FGF2: variants seen among roughly 807,000 people sequenced by gnomAD.
FGF2 encodes fibroblast growth factor 2, also known as basic fibroblast growth factor bFGF.
A neutral mutation model predicts 15.9 loss-of-function variants in FGF2; 13 were observed. The ratio of observed to expected loss-of-function variants is 0.82; its 90% confidence interval spans 0.53 to 1.30. The LOEUF (loss-of-function observed/expected upper bound fraction) is 1.30. Ranked by LOEUF, FGF2 falls within the 50% of genes most tolerant of loss-of-function variation. FGF2 has a pLI of 0.00. For missense variants in FGF2, 163 were observed against 196.9 expected (o/e 0.83, Z 1.03); for synonymous variants, 90 against 78.4 (o/e 1.15, Z -0.78).
At chr4:122,865,483 G>GT in intron 1 of FGF2, among the ~76,000 whole-genome samples, 1 of 151,938 alleles carries the variant, frequency 6.6e-6, no homozygotes, top group Non-Finnish European at 1.5e-5. Context: ...GTAGAGTGGG[G>GT]TTTTGCCATG....
intron 1 of FGF2, among the ~76,000 whole-genome samples, chr4:122,843,504 G>A (rs2150767260): frequency 6.6e-6 from 1 of 152,288 alleles, no homozygotes; most frequent in East Asian, 1.9e-4. Flanking sequence ...TCACTCTGGC[G>A]GGTGTGTGTA....
chr4:122,864,596 A>G (rs974099358), intron 1 of FGF2, among the ~76,000 whole-genome samples: 1 of 152,168 alleles, frequency 6.6e-6, no homozygotes, highest in African/African-American at 2.4e-5. Flanking sequence ...CTTTTGGGTG[A>G]TACGTCTCCA....
chr4:122,843,024 G>T (rs1294026009), intron 1 of FGF2, among the ~76,000 whole-genome samples: 1 of 152,132 alleles, frequency 6.6e-6, no homozygotes, highest in East Asian at 1.9e-4. Flanking sequence ...GGGTGCTGGA[G>T]ATGAAAAAGT....
At chr4:122,844,578 T>TTTCTTCCTTCCTTCCTTC (rs1726065615) in intron 1 of FGF2, among the ~76,000 whole-genome samples, 1 of 125,560 alleles carries the variant, frequency 8.0e-6, no homozygotes, top group African/African-American at 4.0e-5. Flanking sequence ...TCTTTTTCTT[T>TTTCTTCCTTCCTTCCTTC]CTTTCTTTCT....
chr4:122,839,308 G>T lies in FGF2; in HGVS notation c.178+11956G>T, dbSNP rs547636915. On this transcript the variant is annotated intron_variant, in intron 1 of 2. Transcript: ENST00000644866. ...AAAGGATGTTTTCAAAGTATAGTTA[G>T]GCTCTTCCAGAAAAAATCGAGGGTA... Among the ~76,000 whole-genome samples, 182 of 152,240 alleles carry T rather than the reference G, an allele frequency of 1.2e-3. 1 individual carries two copies. The highest frequency in any genetic ancestry group is 4.2e-3 in the African/African-American group (174 of 41,540).
At chr4:122,828,868 A>T (rs1422916006) in intron 1 of FGF2, among the ~76,000 whole-genome samples, 2 of 152,208 alleles carry the variant, frequency 1.3e-5, no homozygotes, top group Non-Finnish European at 2.9e-5. Flanking sequence ...TTGTGATTGA[A>T]GTTTGTTCTG....
At chr4:122,882,060 A>G (rs1448096225) in intron 2 of FGF2, 1 of 152,214 alleles carries the variant, frequency 6.6e-6, no homozygotes, top group Non-Finnish European at 1.5e-5. Context: ...CTTATTCACT[A>G]TCATAAGAAC....
intron 1 of FGF2, among the ~76,000 whole-genome samples, chr4:122,845,615 T>G (rs1056854855): frequency 6.6e-6 from 1 of 152,250 alleles, no homozygotes; most frequent in Non-Finnish European, 1.5e-5. Flanking sequence ...GTTTATGTTA[T>G]GGAGATGGCT....
chr4:122,888,908 T>C (rs1727111408), intron 2 of FGF2: 1 of 152,210 alleles, frequency 6.6e-6, no homozygotes, highest in South Asian at 2.1e-4. Flanking sequence ...TTGAGTGGCA[T>C]AAAGGCAGGG....
intron 2 of FGF2, among the ~76,000 whole-genome samples, chr4:122,885,901 ATTTTTTTTTTCCTTTTT>A (rs1193428820): frequency 6.0e-5 from 5 of 83,480 alleles, no homozygotes; most frequent in Admixed American, 1.2e-4. Flanking sequence ...AACTTGCTTG[ATTTTTTTTTTCCTTTTT>A]TTTTTTTTTT....
intron 2 of FGF2, chr4:122,888,862 G>A (rs1005570808): frequency 6.6e-6 from 1 of 151,984 alleles, no homozygotes; most frequent in South Asian, 2.1e-4. Context: ...ATTCACTTAA[G>A]CTTATTGCTT....
chr4:122,827,788 T>C lies in FGF2; in HGVS notation c.178+436T>C, dbSNP rs1168594577. ...GGTCTTTACTGGAAAAACACCTTTCTAGAGTCCTGCCCTTAAATTCCGACT... is the reference window on the plus strand; with the variant it reads ...GGTCTTTACTGGAAAAACACCTTTCCAGAGTCCTGCCCTTAAATTCCGACT... On this transcript the variant is annotated intron_variant, in intron 1 of 2. Coordinates refer to ENST00000644866, the MANE Select transcript of FGF2 (RefSeq NM_001361665.2). This position sits in a 1 kb window ranked among gnomAD's most constrained non-coding sequence, Gnocchi z 4.2. 2.0e-5 allele frequency among the ~76,000 whole-genome samples: 3 copies of C among 152,186 alleles called. No homozygotes were observed. Among genetic ancestry groups the C allele is most frequent in the East Asian group, 1.9e-4 (1 of 5,188 alleles).
At chr4:122,870,898 CT>C (rs1227392075) in intron 1 of FGF2, among the ~76,000 whole-genome samples, 1 of 152,004 alleles carries the variant, frequency 6.6e-6, no homozygotes, top group Non-Finnish European at 1.5e-5. Context: ...CTCTTTAGCT[CT>C]TTTAATTATG....
chr4:122,891,182 A>G (rs1239024739), intron 2 of FGF2, among the ~76,000 whole-genome samples: 1 of 151,132 alleles, frequency 6.6e-6, no homozygotes, highest in African/African-American at 2.4e-5. Context: ...CTGGGACTAC[A>G]GGCGCCCGCC....
intron 2 of FGF2, among the ~76,000 whole-genome samples, chr4:122,879,193 A>C (rs1336052350): frequency 6.6e-6 from 1 of 152,202 alleles, no homozygotes; most frequent in Non-Finnish European, 1.5e-5. Flanking sequence ...TGTCAGCTCA[A>C]GAGGTGATGT....
At chr4:122,841,937 A>G (rs934783442) in intron 1 of FGF2, among the ~76,000 whole-genome samples, 9 of 152,144 alleles carry the variant, frequency 5.9e-5, no homozygotes, top group Non-Finnish European at 8.8e-5. Context: ...CCTACTTTGA[A>G]TATTTTCCTC....
intron 1 of FGF2, chr4:122,840,233 G>A (rs1725950724): frequency 6.6e-6 from 1 of 152,164 alleles, no homozygotes; most frequent in Admixed American, 6.6e-5. Flanking sequence ...CTTTGCCAGA[G>A]TGAGTTAATT....
chr4:122,862,372 T>C (rs1485947862), intron 1 of FGF2, among the ~76,000 whole-genome samples: 1 of 152,192 alleles, frequency 6.6e-6, no homozygotes, highest in African/African-American at 2.4e-5. Flanking sequence ...TCCTGGGGCA[T>C]ATACAAAAGA....
At chr4:122,844,571 T>TTTTCTTTCTTTCTTTC (rs760850966) in intron 1 of FGF2, among the ~76,000 whole-genome samples, 19 of 128,354 alleles carry the variant, frequency 1.5e-4, no homozygotes, top group African/African-American at 6.7e-4. Flanking sequence ...CTTTCTTTCT[T>TTTTCTTTCTTTCTTTC]TTTCTTTCTT....
Sources: allele counts gnomAD v4.1 joint callset (sites outside exome capture counted in the v4.1 genomes callset), GRCh38; gene constraint gnomAD v4.1.1; non-coding constraint Gnocchi (gnomAD v3.1); transcripts MANE v1.5; gene names NCBI Gene and HGNC (gene_info 2026-07-23, HGNC 2026-07-21).